The following HSPA4L variants were observed in gnomAD, a reference collection of about 807,000 sequenced individuals.
The protein encoded by HSPA4L is heat shock 70 kDa protein 4L.
In HSPA4L, 48 loss-of-function variants were observed where a neutral mutation model predicts 100.3. The ratio of observed to expected loss-of-function variants is 0.48; its 90% CI spans 0.38 to 0.61. The LOEUF (loss-of-function observed/expected upper bound fraction) is 0.61. Among genes scored for constraint, HSPA4L ranks in the 20% least tolerant of loss-of-function variants. HSPA4L has a pLI of 0.00. For synonymous variants in HSPA4L, 319 were observed against 328.2 expected, an observed-to-expected ratio of 0.97 and a Z score of 0.30; for missense variants, 886 against 988.6, an observed-to-expected ratio of 0.90 and a Z score of 1.39.
chr4:127,809,148 A>G (rs577675365), intron 11 of HSPA4L: 109 of 798,918 alleles, frequency 1.4e-4, no homozygotes, highest in Non-Finnish European at 2.1e-4. Flanking sequence ...GCCACTGCAC[A>G]TAATTGAAAC....
At chr4:127,783,449 G>A (rs1732626339) in intron 1 of HSPA4L, 7 of 1,365,194 alleles carry the variant, frequency 5.1e-6, no homozygotes, top group Non-Finnish European at 6.7e-6. Context: ...ACATGACTGT[G>A]GAGTGATTCT....
intron 16 of HSPA4L, among the ~76,000 whole-genome samples, chr4:127,826,649 T>C (rs996917139): frequency 6.6e-6 from 1 of 152,290 alleles, no homozygotes; most frequent in Admixed American, 6.5e-5. Context: ...ATAATTTCCT[T>C]TTAACTTTTC....
intron 17 of HSPA4L, among the ~76,000 whole-genome samples, chr4:127,829,026 A>C (rs969792015): frequency 6.6e-6 from 1 of 152,166 alleles, no homozygotes. Context: ...ACAATAAATT[A>C]CTGTAAGTTA....
chr4:127,819,004 G>A (rs1733744400), intron 13 of HSPA4L, among the ~76,000 whole-genome samples: 1 of 151,576 alleles, frequency 6.6e-6, no homozygotes, highest in Admixed American at 6.6e-5. Context: ...TATTTCTAAA[G>A]TATGAATACA....
intron 1 of HSPA4L, among the ~76,000 whole-genome samples, chr4:127,789,532 C>T (rs1180186848): frequency 6.6e-6 from 1 of 151,980 alleles, no homozygotes. Context: ...CCTGTAGTCC[C>T]AGCTACTCGG....
Position 127,830,768 on chromosome 4 carries a change from T to C in HSPA4L, c.2297T>C (p.Val766Ala), listed in dbSNP as rs201549238. ...CTAAGTCTCACTCAAGATCCTGTGG[T>C]AAAAGTTTCAGAAATAGTAGCAAAG... ...NKLSLTQDPV[V>A]KVSEIVAKSK... is the part of the protein sequence containing the mutation. The change falls in exon 18 of 19, where the codon GTA becomes GCA. Residue 766 changes from valine to alanine, a missense_variant. By Grantham distance (64) the Val-to-Ala change is moderately conservative. Transcript: ENST00000296464. 6.3e-7 allele frequency: 1 copy of C among 1,594,088 alleles called. No individual in the cohort carries two copies. Among genetic ancestry groups the C allele is most frequent in the Admixed American group, 1.8e-5 (1 of 55,978 alleles).
Position 127,827,360 on chromosome 4 carries a change from C to T in HSPA4L, c.2102C>T (p.Ala701Val). Residue 701 changes from alanine to valine, a missense_variant, in exon 17 of 19, where the codon GCC becomes GTC. Physicochemically the swap from Ala to Val is moderately conservative, Grantham distance 64 (BLOSUM62 0). Transcript: ENST00000296464. ...ATGGAGCATGAAGAGAGACCAAAAG[C>T]CTTAAATGACTTGGGAAAAAAGATC... ...KYMEHEERPK[A>V]LNDLGKKIQL... 1.9e-6 allele frequency: 3 copies of T among 1,613,384 alleles called. No homozygotes were observed. Among genetic ancestry groups the T allele is most frequent in the Non-Finnish European group, 2.5e-6 (3 of 1,179,496 alleles).
intron 16 of HSPA4L, 118 bp downstream of exon 16, chr4:127,823,742 A>G (rs1736915354): frequency 3.2e-6 from 2 of 626,546 alleles, no homozygotes; most frequent in African/African-American, 3.7e-5. Flanking sequence ...GGAAAATTGT[A>G]TATATTTGTG....
At chr4:127,804,150 A>T in intron 8 of HSPA4L, 63 bp downstream of exon 8, 1 of 1,226,026 alleles carries the variant, frequency 8.2e-7, no homozygotes, top group Non-Finnish European at 1.2e-6. Flanking sequence ...GCGGGGGTAG[A>T]TAATGATAAA....
At chr4:127,808,218 C>T in intron 11 of HSPA4L, 89 bp downstream of exon 11, 1 of 1,102,992 alleles carries the variant, frequency 9.1e-7, no homozygotes, top group South Asian at 1.6e-5. Context: ...GACATTTCAG[C>T]TAAGCCAGTA....
chr4:127,783,468 C>T, intron 1 of HSPA4L: 2 of 1,421,062 alleles, frequency 1.4e-6, no homozygotes, highest in South Asian at 1.6e-5. Flanking sequence ...CTATTATGAA[C>T]GCTTAATGAA....
chr4:127,813,895 C>T (rs1011431281), intron 12 of HSPA4L, among the ~76,000 whole-genome samples: 1 of 152,176 alleles, frequency 6.6e-6, no homozygotes, highest in African/African-American at 2.4e-5. Context: ...CCATCCAACT[C>T]GGCCTCCCAA....
chr4:127,830,265 AT>A (rs1292466099), intron 17 of HSPA4L, among the ~76,000 whole-genome samples: 3 of 152,150 alleles, frequency 2.0e-5, no homozygotes, highest in African/African-American at 7.2e-5. Context: ...AGAATTTAAT[AT>A]GCTTTTCTGT....
In HSPA4L at chr4:127,801,813, G is replaced by T. The variant is rs762526040; in HGVS notation, c.558G>T (p.Gln186His). 1 of 1,609,884 alleles carries T rather than the reference G, an allele frequency of 6.2e-7. No homozygotes were observed. Among genetic ancestry groups the T allele is most frequent in the Non-Finnish European group, 8.5e-7 (1 of 1,177,904 alleles). Residue 186 changes from glutamine (Q) to histidine (H), a missense_variant, in exon 6 of 19, where the codon CAG becomes CAT. Gln to His is a conservative substitution (Grantham distance 24). Coordinates refer to ENST00000296464, the MANE Select transcript of HSPA4L (RefSeq NM_014278.4). ...CACTGGCGTATGGAATTTATAAACAGGATCTTCCCCCATTAGATGAGAAAC... is the reference window on the plus strand; with the variant it reads ...CACTGGCGTATGGAATTTATAAACATGATCTTCCCCCATTAGATGAGAAAC... ...AVALAYGIYK[Q>H]DLPPLDEKPR...
At position 127,835,723 on chromosome 4, in the gene HSPA4L, T is replaced by C. The variant is rs1468759415; in HGVS notation, c.*2849T>C. ...GTCTCAAAAAAAAAACAAAAATTCT[T>C]CCAAAAAACTAGAAAGAGCACAGCA... On this transcript the variant is annotated 3_prime_UTR_variant, in exon 19 of 19. Transcript: ENST00000296464. 1.3e-5 allele frequency: 2 copies of C among 149,464 alleles called. No homozygotes were observed. The highest frequency in any genetic ancestry group is 6.7e-5 in the Admixed American group (1 of 14,982). The allele number at this position is 149,464 out of a possible 1,614,324, so 9.3% of individuals were successfully genotyped here.
intron 11 of HSPA4L, among the ~76,000 whole-genome samples, chr4:127,808,348 G>T (rs961787678): frequency 1.3e-5 from 2 of 152,070 alleles, no homozygotes; most frequent in African/African-American, 2.4e-5. Flanking sequence ...CATGAGTTTG[G>T]CATCTGTACA....
Position 127,814,526 on chromosome 4 carries a change from AG to A in HSPA4L, c.1578+2891del, listed in dbSNP as rs1451018915. ...TTATTTCCTTTTCCTTGCTAATAAAAGCGATGATGCTGAATACACTGTGTTG... is the reference window on the plus strand; with the variant it reads ...TTATTTCCTTTTCCTTGCTAATAAAACGATGATGCTGAATACACTGTGTTG... On this transcript the variant is annotated intron_variant, in intron 12 of 18. Coordinates refer to ENST00000296464, the MANE Select transcript of HSPA4L (RefSeq NM_014278.4). 2.0e-5 allele frequency among the ~76,000 whole-genome samples: 3 copies of A among 152,146 alleles called. No homozygotes were observed. The East Asian group carries it at 5.8e-4, about 29-fold the overall frequency.
rs538455849 is a variant in HSPA4L, at chr4:127,832,208, C to T, written c.2329-475C>T. On this transcript the variant is annotated intron_variant, in intron 18 of 18. Transcript: ENST00000296464. The stretch of plus-strand genomic sequence containing the variant: ...TTTACTTTCACGGCACTTTTTCCTT[C>T]AGGAGAGGCTACTCAGCTATTTTCA... Among the ~76,000 whole-genome samples the T allele has an allele frequency of 6.6e-5, 10 of 152,068 alleles. 1 individual carries two copies. In the South Asian group the frequency reaches 1.2e-3, roughly 19 times the overall value.
intron 9 of HSPA4L, 146 bp from the exon 10 acceptor site, chr4:127,805,541 A>G (rs1159491403): frequency 1.7e-6 from 1 of 580,504 alleles, no homozygotes; most frequent in Non-Finnish European, 2.9e-6. Context: ...AGGCCCTTTT[A>G]AATTTTCACT....
Sources: allele counts gnomAD v4.1 joint callset (sites outside exome capture counted in the v4.1 genomes callset), GRCh38; gene constraint gnomAD v4.1.1; transcripts MANE v1.5; gene names NCBI Gene and HGNC (gene_info 2026-07-23, HGNC 2026-07-21).